Variants in GPHN observed in about 807,000 individuals in gnomAD.
GPHN encodes gephyrin.
Under a neutral mutation model 95.5 loss-of-function variants are expected in GPHN, and 17 were observed. The observed-to-expected ratio is 0.18, with a 90% CI of 0.12 to 0.27. GPHN has a LOEUF of 0.27. Among genes scored for constraint, GPHN ranks in the 10% least tolerant of loss-of-function variants. The probability of loss-of-function intolerance (pLI) is 1.00; values close to 1 mark genes in which losing one functional copy is unlikely to be tolerated. For synonymous variants in GPHN, 320 were observed against 322.5 expected (o/e 0.99, Z 0.08); for missense variants, 660 against 978.1 (o/e 0.67, Z 4.34).
chr14:67,193,966 GA>G, the GPHN span, among the ~76,000 whole-genome samples: 17 of 93,582 alleles, frequency 1.8e-4, no homozygotes, highest in Admixed American at 4.6e-4. Context: ...AAAAAAAAAC[GA>G]AAAACAAAAA....
chr14:67,226,062 C>T, the GPHN span, among the ~76,000 whole-genome samples: 83 of 152,302 alleles, frequency 5.4e-4, no homozygotes, highest in East Asian at 0.01. Flanking sequence ...TGGGCAGTAA[C>T]CCCTTGCCCA....
intron 11 of GPHN, among the ~76,000 whole-genome samples, chr14:67,086,777 G>T (rs188905292): frequency 6.6e-6 from 1 of 151,632 alleles, no homozygotes; most frequent in African/African-American, 2.4e-5. Flanking sequence ...CGTGGCTCAC[G>T]CCTGTAATCT....
intron 1 of GPHN, among the ~76,000 whole-genome samples, chr14:66,613,434 C>A (rs1226995617): frequency 6.6e-6 from 1 of 152,028 alleles, no homozygotes; most frequent in Non-Finnish European, 1.5e-5. Flanking sequence ...ACTTGAAAAA[C>A]ATGGCAAAAA....
chr14:67,077,787 C>T (rs533642235), intron 11 of GPHN, among the ~76,000 whole-genome samples: 3 of 148,476 alleles, frequency 2.0e-5, no homozygotes, highest in Non-Finnish European at 4.6e-5. Flanking sequence ...AAAAGACTAC[C>T]CTTTTTGATC....
chr14:67,274,958 T>C, the GPHN span, among the ~76,000 whole-genome samples: 68 of 152,212 alleles, frequency 4.5e-4, no homozygotes, highest in African/African-American at 1.5e-3. Flanking sequence ...CTTGTGATTT[T>C]TGCACATTGA....
intron 2 of GPHN, among the ~76,000 whole-genome samples, chr14:66,769,608 A>C (rs1201277868): frequency 2.6e-5 from 4 of 152,186 alleles, no homozygotes; most frequent in Non-Finnish European, 5.9e-5. Flanking sequence ...TAGTTCACTT[A>C]AGATAATGGC....
the GPHN span, among the ~76,000 whole-genome samples, chr14:67,341,098 G>C: frequency 6.6e-6 from 1 of 152,042 alleles, no homozygotes; most frequent in African/African-American, 2.4e-5. Flanking sequence ...GCCGCCACCC[G>C]GTCTGGGAAG....
chr14:67,393,284 C>T, the GPHN span: 56 of 1,396,146 alleles, frequency 4.0e-5, no homozygotes, highest in Non-Finnish European at 5.1e-5. Flanking sequence ...CCTCATCACG[C>T]GGGCAGGTAT....
chr14:66,724,796 TA>T (rs1454713799), intron 2 of GPHN, among the ~76,000 whole-genome samples: 2 of 152,222 alleles, frequency 1.3e-5, no homozygotes, highest in Non-Finnish European at 2.9e-5. Flanking sequence ...TAAAAGTTGC[TA>T]AAGTTTAAGG....
At chr14:66,517,918 A>G (rs1458261018) in intron 1 of GPHN, among the ~76,000 whole-genome samples, 2 of 152,038 alleles carry the variant, frequency 1.3e-5, no homozygotes, top group Non-Finnish European at 2.9e-5. Flanking sequence ...AAGCACAGGC[A>G]AAAAAAGCAA....
intron 1 of GPHN, among the ~76,000 whole-genome samples, chr14:66,673,793 T>C (rs2066431790): frequency 6.8e-6 from 1 of 147,872 alleles, no homozygotes; most frequent in African/African-American, 2.4e-5. Flanking sequence ...TGGCAGCAAA[T>C]TAGCCAATTT....
chr14:66,517,252 A>G (rs1226930949), intron 1 of GPHN, among the ~76,000 whole-genome samples: 1 of 152,072 alleles, frequency 6.6e-6, no homozygotes, highest in Non-Finnish European at 1.5e-5. Flanking sequence ...CTAAGAGTCT[A>G]TACAGAACAT....
At chr14:67,427,911 A>T in the GPHN span, among the ~76,000 whole-genome samples, 1 of 144,246 alleles carries the variant, frequency 6.9e-6, no homozygotes, top group African/African-American at 2.7e-5. Flanking sequence ...GTTTTACAGG[A>T]GCTCGACAAT....
the GPHN span, among the ~76,000 whole-genome samples, chr14:67,257,873 G>A: frequency 3.3e-5 from 5 of 151,954 alleles, no homozygotes; most frequent in Non-Finnish European, 4.4e-5. Context: ...ACAACTATAC[G>A]TACAACACAT....
intron 1 of GPHN, among the ~76,000 whole-genome samples, chr14:66,599,528 T>C (rs894034287): frequency 2.6e-5 from 4 of 151,920 alleles, no homozygotes; most frequent in Middle Eastern, 3.4e-3. Flanking sequence ...AGTTGTCTGC[T>C]TCTTATTTAT....
At chr14:67,187,798 T>A in the GPHN span, among the ~76,000 whole-genome samples, 1 of 152,210 alleles carries the variant, frequency 6.6e-6, no homozygotes, top group Non-Finnish European at 1.5e-5. Context: ...TTAGCTTGGA[T>A]ATTAGCTCCT....
chr14:66,790,513 G>C (rs76927689), intron 3 of GPHN, among the ~76,000 whole-genome samples: 2,343 of 152,316 alleles, frequency 0.015, 30 homozygotes, highest in Non-Finnish European at 0.018. Flanking sequence ...TTAGAGCTAA[G>C]TAGGACATGA....
chr14:67,577,070 G>A, the GPHN span, among the ~76,000 whole-genome samples: 3 of 152,064 alleles, frequency 2.0e-5, no homozygotes, highest in African/African-American at 4.8e-5. Context: ...CCACAACCTT[G>A]CACACTCACC....
the GPHN span, among the ~76,000 whole-genome samples, chr14:67,466,357 G>C: frequency 1.3e-5 from 2 of 152,366 alleles, no homozygotes; most frequent in South Asian, 4.1e-4. Flanking sequence ...GTGGAGCTGG[G>C]TCTTTGGCCA....
Sources: gnomAD v4.1 joint callset for allele counts (sites outside exome capture counted in the v4.1 genomes callset) on GRCh38, gnomAD v4.1.1 for gene constraint, MANE v1.5 for transcripts, NCBI Gene and HGNC (gene_info 2026-07-23, HGNC 2026-07-21) for gene names.